TYR: variants seen among roughly 807,000 people sequenced by gnomAD.
TYR encodes the protein LB24-AB.
A neutral mutation model predicts 51.5 loss-of-function variants in TYR; 58 were observed. The observed-to-expected ratio is 1.13, with a 90% CI of 0.91 to 1.40. TYR has a LOEUF of 1.40. Ranked by LOEUF, TYR falls within the 40% of genes most tolerant of loss-of-function variation. The pLI, the probability that TYR is intolerant of heterozygous loss-of-function variation, is 0.00. For synonymous variants in TYR, 263 were observed against 235.2 expected (o/e 1.12, Z -1.08); for missense variants, 732 against 647.4 (o/e 1.13, Z -1.42).
Position 89,227,903 on chromosome 11 carries a change from A to T in TYR, c.1117A>T (p.Thr373Ser). The T allele has an allele frequency of 6.2e-7, 1 of 1,613,694 alleles. No homozygotes were observed. Among genetic ancestry groups the T allele is most frequent in the Non-Finnish European group, 8.5e-7 (1 of 1,179,748 alleles). The change falls in exon 3 of 5, where the codon ACA (threonine) becomes TCA (serine). Residue 373 changes from threonine to serine, a missense_variant. Coordinates refer to ENST00000263321, the MANE Select transcript of TYR (RefSeq NM_000372.5). ...HNALHIYMNG[T>S]MSQVQGSAND... ...TGCCTTGCACATCTATATGAATGGA[A>T]CAATGTCCCAGGTACAGGGATCTGC...
chr11:89,285,639 G>T (rs778756400), intron 4 of TYR, among the ~76,000 whole-genome samples: 13 of 151,700 alleles, frequency 8.6e-5, no homozygotes, highest in Non-Finnish European at 1.3e-4. Flanking sequence ...CTACCTGAAA[G>T]TCCACTACAT....
intron 3 of TYR, among the ~76,000 whole-genome samples, chr11:89,247,997 T>C (rs1944287250): frequency 6.6e-6 from 1 of 152,072 alleles, no homozygotes. Context: ...GTGATTAAGA[T>C]CATAGATTTT....
chr11:89,184,339 G>A (rs1943339916), intron 1 of TYR, among the ~76,000 whole-genome samples: 1 of 152,106 alleles, frequency 6.6e-6, no homozygotes, highest in Non-Finnish European at 1.5e-5. Context: ...ATTACTCAAA[G>A]AGGAATAAAA....
intron 3 of TYR, among the ~76,000 whole-genome samples, chr11:89,250,509 G>T (rs953663085): frequency 9.2e-5 from 14 of 151,722 alleles, no homozygotes; most frequent in Admixed American, 7.9e-4. Context: ...GTTTTCTAGG[G>T]CTACCATAAC....
At chr11:89,191,441 TA>T in intron 2 of TYR, 23 bp downstream of exon 2, 2 of 1,604,892 alleles carry the variant, frequency 1.2e-6, no homozygotes, top group Non-Finnish European at 1.7e-6. Context: ...TTTTCACTTT[TA>T]ATTTTTTTTC....
chr11:89,186,935 G>C (rs1051521704), intron 1 of TYR, among the ~76,000 whole-genome samples: 6 of 152,118 alleles, frequency 3.9e-5, no homozygotes, highest in African/African-American at 1.2e-4. Flanking sequence ...CAGAGAAAAG[G>C]TTTCCTCTGC....
intron 3 of TYR, among the ~76,000 whole-genome samples, chr11:89,249,051 G>C (rs1482320533): frequency 6.6e-6 from 1 of 152,074 alleles, no homozygotes; most frequent in Admixed American, 6.6e-5. Flanking sequence ...ATTTAGCAAA[G>C]AAAATGAACT....
intron 3 of TYR, among the ~76,000 whole-genome samples, chr11:89,242,714 A>C (rs1401052909): frequency 3.9e-5 from 6 of 152,174 alleles, no homozygotes; most frequent in Admixed American, 1.3e-4. Flanking sequence ...AGAATCTGTT[A>C]ATTAGTATCC....
chr11:89,225,354 G>T (rs1180187486), intron 2 of TYR, among the ~76,000 whole-genome samples: 2 of 151,576 alleles, frequency 1.3e-5, no homozygotes, highest in Admixed American at 6.6e-5. Context: ...TCACCATGTT[G>T]TATCATAGAT....
chr11:89,216,119 T>C (rs940760758), intron 2 of TYR, among the ~76,000 whole-genome samples: 3 of 152,178 alleles, frequency 2.0e-5, no homozygotes, highest in Non-Finnish European at 4.4e-5. Context: ...CAATAGAAGG[T>C]GTGAAAGCTT....
In TYR at chr11:89,191,361, T is replaced by C; in HGVS notation, c.979T>C (p.Tyr327His). The C allele has an allele frequency of 6.2e-7, 1 of 1,613,758 alleles. No homozygotes were observed. Among genetic ancestry groups the C allele is most frequent in the Non-Finnish European group, 8.5e-7 (1 of 1,179,792 alleles). The change falls in exon 2 of 5, where the codon TAT becomes CAT. Residue 327 changes from tyrosine to histidine, a missense_variant. Physicochemically the swap from Tyr to His is moderately conservative, Grantham distance 83. Transcript: ENST00000263321. ...DVEFCLSLTQ[Y>H]ESGSMDKAAN... is the part of the protein sequence containing the mutation. ...AGAATTTTGCCTGAGTTTGACCCAA[T>C]ATGAATCTGGTTCCATGGATAAAGC...
At chr11:89,197,193 G>A (rs576442345) in intron 2 of TYR, among the ~76,000 whole-genome samples, 5 of 152,214 alleles carry the variant, frequency 3.3e-5, no homozygotes, top group Non-Finnish European at 7.4e-5. Context: ...CAAAAAATGA[G>A]AAGTTCTACG....
intron 3 of TYR, among the ~76,000 whole-genome samples, chr11:89,275,477 T>C (rs1244566067): frequency 1.3e-5 from 2 of 151,974 alleles, no homozygotes; most frequent in Non-Finnish European, 2.9e-5. Context: ...TACTGCTTTC[T>C]AGTTGAGTTA....
At chr11:89,223,508 T>C (rs988027972) in intron 2 of TYR, among the ~76,000 whole-genome samples, 2 of 152,244 alleles carry the variant, frequency 1.3e-5, no homozygotes, top group Non-Finnish European at 1.5e-5. Flanking sequence ...TTCTCTGTTT[T>C]GTCACTTGAC....
intron 2 of TYR, among the ~76,000 whole-genome samples, chr11:89,198,745 C>A (rs989422102): frequency 3.1e-4 from 42 of 135,900 alleles, no homozygotes; most frequent in African/African-American, 1.4e-3. Flanking sequence ...CAAAAGGTAA[C>A]TTTTTTCTCA....
At chr11:89,198,873 T>C (rs1943559733) in intron 2 of TYR, among the ~76,000 whole-genome samples, 1 of 151,976 alleles carries the variant, frequency 6.6e-6, no homozygotes. Flanking sequence ...AACTCATCAT[T>C]TACCTTAGGT....
At chr11:89,221,078 G>C (rs1211559491) in intron 2 of TYR, among the ~76,000 whole-genome samples, 1 of 152,208 alleles carries the variant, frequency 6.6e-6, no homozygotes, top group African/African-American at 2.4e-5. Context: ...AAAAGAATGA[G>C]AGCAGCTGTT....
rs748836772 is a variant in TYR, at chr11:89,178,040, C to T, written c.87C>T (p.Asn29=). Residue 29 remains asparagine (N), a synonymous_variant, in exon 1 of 5, where the codon AAC becomes AAT. Coordinates refer to ENST00000263321, the MANE Select transcript of TYR (RefSeq NM_000372.5). ...HFPRACVSSK[N]LMEKECCPPW... The stretch of plus-strand genomic sequence containing the variant: ...CTAGAGCCTGTGTCTCCTCTAAGAA[C>T]CTGATGGAGAAGGAATGCTGTCCAC... The T allele has an allele frequency of 6.2e-7, 1 of 1,614,188 alleles. No homozygotes were observed. The highest frequency in any genetic ancestry group is 1.1e-5 in the South Asian group (1 of 91,086).
intron 3 of TYR, among the ~76,000 whole-genome samples, chr11:89,276,013 T>C (rs1944649841): frequency 6.6e-6 from 1 of 151,924 alleles, no homozygotes; most frequent in Non-Finnish European, 1.5e-5. Flanking sequence ...GCTAACTTTG[T>C]CATCTGGGTT....
Sources: allele counts gnomAD v4.1 joint callset (sites outside exome capture counted in the v4.1 genomes callset), GRCh38; gene constraint gnomAD v4.1.1; transcripts MANE v1.5; gene names NCBI Gene and HGNC (gene_info 2026-07-23, HGNC 2026-07-21).